The following DCLK1 variants were observed in gnomAD, a reference collection of about 807,000 sequenced individuals.
The protein encoded by DCLK1 is doublecortin like kinase 1.
DCLK1 carries 16 observed loss-of-function variants against 86.2 expected under a neutral mutation model. The observed-to-expected ratio is 0.19, with a 90% CI of 0.13 to 0.28. The LOEUF (loss-of-function observed/expected upper bound fraction) is 0.28, where lower values mean the gene tolerates loss of function less well. DCLK1 is among the 10% of genes least tolerant of loss of function. The pLI, the probability that DCLK1 is intolerant of heterozygous loss-of-function variation, is 1.00. For missense variants in DCLK1, 590 were observed against 940.2 expected, an observed-to-expected ratio of 0.63 and a Z score of 4.87; for synonymous variants, 369 against 370.5, an observed-to-expected ratio of 1.00 and a Z score of 0.05.
At chr13:35,921,797 G>A (rs921129146) in intron 4 of DCLK1, among the ~76,000 whole-genome samples, 20 of 152,138 alleles carry the variant, frequency 1.3e-4, no homozygotes, top group African/African-American at 4.1e-4. Flanking sequence ...ATATTATGGG[G>A]CTGATGACTG....
intron 3 of DCLK1, among the ~76,000 whole-genome samples, chr13:35,959,482 A>T (rs916132689): frequency 6.6e-6 from 1 of 152,230 alleles, no homozygotes; most frequent in Admixed American, 6.5e-5. Flanking sequence ...AACACTTGTC[A>T]TGCAGGAAAG....
At chr13:35,970,252 A>G (rs1230623059) in intron 3 of DCLK1, among the ~76,000 whole-genome samples, 3 of 152,214 alleles carry the variant, frequency 2.0e-5, no homozygotes, top group Non-Finnish European at 4.4e-5. Flanking sequence ...ATTAGTTGTG[A>G]AAAGCAATAT....
Position 36,012,413 on chromosome 13 carries a change from G to A in DCLK1, c.724-64956C>T, listed in dbSNP as rs962691854. Among the ~76,000 whole-genome samples the A allele has an allele frequency of 6.7e-3, 1,008 of 151,442 alleles. 6 individuals are homozygous for A. The highest frequency in any genetic ancestry group is 0.01 in the Middle Eastern group (3 of 294). On this transcript the variant is annotated intron_variant, in intron 3 of 16. Transcript: ENST00000360631. ...GCGCTTCCTTCAGGAGCTCTTTTAG[G>A]GCAGGCCTGGTGGTGACAAAATCTC...
At chr13:35,866,531 C>A (rs1257495685) in intron 5 of DCLK1, among the ~76,000 whole-genome samples, 1 of 150,702 alleles carries the variant, frequency 6.6e-6, no homozygotes, top group Non-Finnish European at 1.5e-5. Flanking sequence ...CGACTCACTG[C>A]AACCTCTGCC....
intron 3 of DCLK1, among the ~76,000 whole-genome samples, chr13:36,037,294 C>T (rs936309027): frequency 6.6e-6 from 1 of 151,924 alleles, no homozygotes; most frequent in Non-Finnish European, 1.5e-5. Flanking sequence ...TACAAGCACA[C>T]AGTTAGATAG....
chr13:35,999,555 C>T (rs1027092776), intron 3 of DCLK1, among the ~76,000 whole-genome samples: 3 of 152,148 alleles, frequency 2.0e-5, no homozygotes, highest in Non-Finnish European at 2.9e-5. Flanking sequence ...CACAAAAACC[C>T]CTTCTACCTG....
At chr13:35,947,275 G>A (rs1877436189) in intron 4 of DCLK1, 83 bp downstream of exon 4, 1 of 1,006,668 alleles carries the variant, frequency 9.9e-7, no homozygotes, top group Middle Eastern at 2.1e-4. Context: ...TAGCTTTGGA[G>A]TTGACATAAT....
At chr13:36,065,569 C>A (rs1246351490) in intron 3 of DCLK1, among the ~76,000 whole-genome samples, 1 of 152,278 alleles carries the variant, frequency 6.6e-6, no homozygotes, top group East Asian at 1.9e-4. Flanking sequence ...AAAAGAATTA[C>A]TTTGATAGAG....
chr13:35,849,392 C>T, intron 6 of DCLK1: 3 of 985,076 alleles, frequency 3.0e-6, no homozygotes, highest in Non-Finnish European at 3.6e-6. Context: ...CTCCAAATGG[C>T]ATCAAACATT....
chr13:36,130,221 T>C (rs1413273553), intron 1 of DCLK1, among the ~76,000 whole-genome samples: 3 of 152,176 alleles, frequency 2.0e-5, no homozygotes, highest in South Asian at 2.1e-4. Flanking sequence ...TAAAACGCTG[T>C]CCTACTTTCC....
At chr13:35,966,585 G>C (rs529837376) in intron 3 of DCLK1, among the ~76,000 whole-genome samples, 1 of 140,834 alleles carries the variant, frequency 7.1e-6, no homozygotes, top group African/African-American at 2.6e-5. Context: ...CCGCCATCTC[G>C]ACTCACTGCA....
intron 3 of DCLK1, among the ~76,000 whole-genome samples, chr13:36,108,413 A>G (rs992399545): frequency 7.2e-5 from 11 of 152,208 alleles, no homozygotes; most frequent in Admixed American, 6.5e-4. Flanking sequence ...CAAAAAAAGT[A>G]CTGTTCAATG....
intron 3 of DCLK1, among the ~76,000 whole-genome samples, chr13:36,030,658 G>A (rs1026910947): frequency 2.0e-5 from 3 of 151,964 alleles, no homozygotes; most frequent in Non-Finnish European, 2.9e-5. Flanking sequence ...TTAGGGAACA[G>A]TATCTTCATT....
intron 4 of DCLK1, among the ~76,000 whole-genome samples, chr13:35,921,008 C>G (rs934954136): frequency 6.6e-6 from 1 of 152,096 alleles, no homozygotes; most frequent in Non-Finnish European, 1.5e-5. Context: ...AGCAGGCCAC[C>G]AACACCTCCA....
chr13:35,782,516 A>T (rs2086546503), intron 16 of DCLK1, among the ~76,000 whole-genome samples: 1 of 152,184 alleles, frequency 6.6e-6, no homozygotes, highest in African/African-American at 2.4e-5. Flanking sequence ...AACCATTTTA[A>T]CCTTGCCAAA....
chr13:35,849,671 C>T, intron 6 of DCLK1: 1 of 984,144 alleles, frequency 1.0e-6, no homozygotes, highest in African/African-American at 1.7e-5. Flanking sequence ...GGGTTATAAT[C>T]ATAGACTTAA....
At position 35,958,280 on chromosome 13, in the gene DCLK1, C is replaced by T. The variant is rs111220190; in HGVS notation, c.724-10823G>A. 7.4e-3 allele frequency among the ~76,000 whole-genome samples: 110 copies of T among 14,824 alleles called. 2 individuals are homozygous for T. The highest frequency in any genetic ancestry group is 0.013 in the South Asian group (6 of 450). 9.7% of individuals were successfully genotyped at this position (14,824 alleles called of 152,430 possible). ...CCACTACTATAACCATTACCACCAT[C>T]ACTGCCACTATAACCACTATAATAA... On this transcript the variant is annotated intron_variant, in intron 3 of 16. Coordinates refer to ENST00000360631, the MANE Select transcript of DCLK1 (RefSeq NM_001330071.2).
intron 5 of DCLK1, among the ~76,000 whole-genome samples, chr13:35,856,331 T>C (rs1251230692): frequency 6.6e-6 from 1 of 152,066 alleles, no homozygotes; most frequent in Admixed American, 6.5e-5. Context: ...GGCTCAGAAA[T>C]AGAAAAGGAT....
chr13:36,044,715 C>T (rs184878089), intron 3 of DCLK1, among the ~76,000 whole-genome samples: 1 of 151,934 alleles, frequency 6.6e-6, no homozygotes, highest in East Asian at 1.9e-4. Flanking sequence ...ACTAAAAATT[C>T]GTGATATGGA....
Sources: gnomAD v4.1 joint callset for allele counts (sites outside exome capture counted in the v4.1 genomes callset) on GRCh38, gnomAD v4.1.1 for gene constraint, MANE v1.5 for transcripts, NCBI Gene and HGNC (gene_info 2026-07-23, HGNC 2026-07-21) for gene names.